KIR3DL2: variants seen among roughly 807,000 people sequenced by gnomAD.
The protein encoded by KIR3DL2 is killer cell immunoglobulin-like receptor 3DL2.
KIR3DL2 carries 42 observed loss-of-function variants against 41.6 expected under a neutral mutation model. The observed-to-expected ratio is 1.01, with a 90% CI of 0.79 to 1.31. KIR3DL2 has a LOEUF of 1.31. Ranked by LOEUF, KIR3DL2 falls within the 50% of genes most tolerant of loss-of-function variation. The probability of loss-of-function intolerance (pLI) is 0.00; values close to 1 mark genes in which losing one functional copy is unlikely to be tolerated. For missense variants in KIR3DL2, 728 were observed against 576.8 expected (o/e 1.26, Z -2.68); for synonymous variants, 230 against 221.3 (o/e 1.04, Z -0.35).
In KIR3DL2 at chr19:54,853,905, C is replaced by T; in HGVS notation, c.514C>T (p.His172Tyr). ...CCCCTCACGCCTCGTTGGACAGATCCATGATGGGGTCTCCAAGGCCAACTT... is the reference window on the plus strand; with the variant it reads ...CCCCTCACGCCTCGTTGGACAGATCTATGATGGGGTCTCCAAGGCCAACTT... The part of the protein sequence containing the change: ...EDPSRLVGQI[H>Y]DGVSKANFSI... Residue 172 changes from histidine (H) to tyrosine (Y), a missense_variant, in exon 4 of 9, where the codon CAT becomes TAT. By Grantham distance (83) the His-to-Tyr change is moderately conservative. Coordinates refer to ENST00000326321, the MANE Select transcript of KIR3DL2 (RefSeq NM_006737.4). 2 of 1,613,348 alleles carry T rather than the reference C, an allele frequency of 1.2e-6. No individual in the cohort carries two copies. The highest frequency in any genetic ancestry group is 1.7e-6 in the Non-Finnish European group (2 of 1,179,822).
chr19:54,850,648 G>A, intron 1 of KIR3DL2, 139 bp downstream of exon 1: 4 of 1,286,396 alleles, frequency 3.1e-6, no homozygotes, highest in Non-Finnish European at 4.3e-6. Flanking sequence ...GCCTGGAGGT[G>A]TAAATATGGG....
chr19:54,858,389 G>A (rs1458949373), intron 5 of KIR3DL2, among the ~76,000 whole-genome samples: 1 of 148,738 alleles, frequency 6.7e-6, no homozygotes, highest in African/African-American at 2.5e-5. Flanking sequence ...ACCATTTATT[G>A]AAGACTGTCC....
At chr19:54,851,915 G>A in intron 2 of KIR3DL2, 83 bp from the exon 3 acceptor site, 1 of 1,547,784 alleles carries the variant, frequency 6.5e-7, no homozygotes, top group Non-Finnish European at 8.8e-7. Context: ...TTAGAAAGCG[G>A]AAATGGGAGA....
Position 54,851,227 on chromosome 19 carries a change from C to A in KIR3DL2, c.42C>A (p.Phe14Leu). The A allele has an allele frequency of 1.9e-6, 3 of 1,610,658 alleles. No homozygotes were observed. The highest frequency in any genetic ancestry group is 2.2e-5 in the East Asian group (1 of 44,640). The part of the protein sequence containing the change: ...TVVSMACVGF[F>L]LLQGAWPLMG... Reference sequence around the variant, plus strand: ...CATGATCTTTCTTTCCAGGGTTCTTCTTGCTGCAGGGGGCCTGGCCACTCA... The same window carrying A: ...CATGATCTTTCTTTCCAGGGTTCTTATTGCTGCAGGGGGCCTGGCCACTCA... Residue 14 changes from phenylalanine (F) to leucine (L), a missense_variant, in exon 2 of 9, where the codon TTC becomes TTA. Physicochemically the swap from Phe to Leu is conservative, Grantham distance 22. Transcript: ENST00000326321.
At chr19:54,851,611 G>T (rs1167025166) in intron 2 of KIR3DL2, among the ~76,000 whole-genome samples, 2 of 151,334 alleles carry the variant, frequency 1.3e-5, no homozygotes, top group Non-Finnish European at 2.9e-5. Context: ...GTGTGGCTGC[G>T]GTCTTTCTAC....
In KIR3DL2 at chr19:54,852,261, C is replaced by A; in HGVS notation, c.334C>A (p.Pro112Thr). ...SLTGWSAPSN[P>T]LVIMVTGNHR... The stretch of plus-strand genomic sequence containing the variant: ...CACTGGGTGGTCGGCACCCAGCAAC[C>A]CCCTGGTGATCATGGTCACAGGTCA... The change falls in exon 3 of 9, where the codon CCC becomes ACC. Residue 112 changes from proline (P) to threonine (T), a missense_variant. Coordinates refer to ENST00000326321, the MANE Select transcript of KIR3DL2 (RefSeq NM_006737.4). 3 of 1,609,128 alleles carry A rather than the reference C, an allele frequency of 1.9e-6. No individual in the cohort carries two copies. Among genetic ancestry groups the A allele is most frequent in the Middle Eastern group, 1.7e-4 (1 of 6,020 alleles).
chr19:54,855,789 T>C lies in KIR3DL2; in HGVS notation c.826T>C (p.Phe276Leu). The change falls in exon 5 of 9, where the codon TTC (phenylalanine) becomes CTC (leucine). Residue 276 changes from phenylalanine (F) to leucine (L), a missense_variant. By Grantham distance (22) the Phe-to-Leu change is conservative (BLOSUM62 0). Coordinates refer to ENST00000326321, the MANE Select transcript of KIR3DL2 (RefSeq NM_006737.4). Reference protein sequence around the residue: ...LRAVPKVNRTFQADFPLGPAT... With the variant: ...LRAVPKVNRTLQADFPLGPAT... ...TGCAGTGCCCAAGGTCAACAGAACA[T>C]TCCAGGCAGACTTTCCTCTGGGCCC... 3 of 1,613,396 alleles carry C rather than the reference T, an allele frequency of 1.9e-6. No individual in the cohort carries two copies. The highest frequency in any genetic ancestry group is 4.5e-5 in the East Asian group (2 of 44,858).
Position 54,850,567 on chromosome 19 carries a change from G to A in KIR3DL2, c.34+58G>A, listed in dbSNP as rs1309764785. On this transcript the variant is annotated intron_variant, in intron 1 of 8. Transcript: ENST00000326321. ...GTGGGGATGGAGATCTCGGCCTAGA[G>A]GTAAAGATATGGGCCTGGAGTGGAG... is the stretch of plus-strand genomic sequence containing the variant. The A allele has an allele frequency of 7.5e-6, 12 of 1,594,118 alleles. No homozygotes were observed. In the African/African-American group the frequency reaches 1.1e-4, roughly 15 times the overall value.
Position 54,854,248 on chromosome 19 carries a change from G to A in KIR3DL2, c.655+202G>A, listed in dbSNP as rs374394112. Reference sequence around the variant, plus strand: ...GGTGTCATAACAGAGGACAGACACAGGGGCCATACGGGGAAGTAGAAAAGA... The same window carrying A: ...GGTGTCATAACAGAGGACAGACACAAGGGCCATACGGGGAAGTAGAAAAGA... On this transcript the variant is annotated intron_variant, in intron 4 of 8. Coordinates refer to ENST00000326321, the MANE Select transcript of KIR3DL2 (RefSeq NM_006737.4). Among the ~76,000 whole-genome samples, 10 of 151,862 alleles carry A rather than the reference G, an allele frequency of 6.6e-5. No homozygotes were observed. In the South Asian group the frequency reaches 2.1e-3, roughly 32 times the overall value.
At position 54,853,893 on chromosome 19, in the gene KIR3DL2, G is replaced by C. The variant is rs765924648; in HGVS notation, c.502G>C (p.Val168Leu). Residue 168 changes from valine to leucine, a missense_variant, in exon 4 of 9, where the codon GTT (valine) becomes CTT (leucine). Coordinates refer to ENST00000326321, the MANE Select transcript of KIR3DL2 (RefSeq NM_006737.4). ...GATCTCTGAGGACCCCTCACGCCTC[G>C]TTGGACAGATCCATGATGGGGTCTC... Reference protein sequence around the residue: ...EGISEDPSRLVGQIHDGVSKA... With the variant: ...EGISEDPSRLLGQIHDGVSKA... The C allele has an allele frequency of 1.5e-5, 25 of 1,613,226 alleles. No individual in the cohort carries two copies. Among genetic ancestry groups the C allele is most frequent in the East Asian group, 1.1e-4 (5 of 44,864 alleles).
chr19:54,854,213 G>A (rs1180454343), intron 4 of KIR3DL2, among the ~76,000 whole-genome samples, 167 bp downstream of exon 4: 1 of 151,694 alleles, frequency 6.6e-6, no homozygotes, highest in South Asian at 2.1e-4. Context: ...GGAGACATAA[G>A]TACAGACCAG....
At chr19:54,850,837 TGTGGAGATATGGGCCTGGA>T (rs1402511458) in intron 1 of KIR3DL2, among the ~76,000 whole-genome samples, 3 of 37,324 alleles carry the variant, frequency 8.0e-5, no homozygotes, top group South Asian at 8.9e-4. Context: ...ATGGGTCTGA[TGTGGAGATATGGGCCTGGA>T]GTGGAGATAT....
chr19:54,856,475 A>G (rs202005019), intron 5 of KIR3DL2, among the ~76,000 whole-genome samples: 1 of 151,272 alleles, frequency 6.6e-6, no homozygotes, highest in Non-Finnish European at 1.5e-5. Flanking sequence ...AAGATCAGGG[A>G]CTCGAGATCA....
chr19:54,852,979 T>C (rs901690718), intron 3 of KIR3DL2, among the ~76,000 whole-genome samples: 3 of 149,292 alleles, frequency 2.0e-5, no homozygotes, highest in African/African-American at 7.4e-5. Flanking sequence ...GGTGTGGTGG[T>C]GGGCACGAGT....
At chr19:54,851,502 G>A (rs2145551659) in intron 2 of KIR3DL2, among the ~76,000 whole-genome samples, 1 of 151,504 alleles carries the variant, frequency 6.6e-6, no homozygotes, top group East Asian at 1.9e-4. Context: ...GGTGTCAGCA[G>A]CAGAGAAAGA....
intron 5 of KIR3DL2, among the ~76,000 whole-genome samples, chr19:54,858,685 A>C (rs2145658398): frequency 6.6e-6 from 1 of 151,410 alleles, no homozygotes; most frequent in African/African-American, 2.4e-5. Flanking sequence ...CTGAGATTGC[A>C]CCTCTACACT....
In KIR3DL2 at chr19:54,852,038, T is replaced by A. The variant is rs1172338386; in HGVS notation, c.111T>A (p.Thr37=). ...DKPFLSARPS[T]VVPRGGHVAL... ...CCTTCCTGTCTGCCCGGCCCAGCAC[T>A]GTGGTGCCTCGAGGAGGACACGTGG... The change falls in exon 3 of 9, where the codon ACT becomes ACA. Residue 37 remains threonine (T), a synonymous_variant. Transcript: ENST00000326321. The A allele has an allele frequency of 4.3e-6, 7 of 1,611,754 alleles. No individual in the cohort carries two copies. In the Admixed American group the frequency reaches 1.2e-4, roughly 27 times the overall value.
At chr19:54,856,701 C>G (rs2064807488) in intron 5 of KIR3DL2, among the ~76,000 whole-genome samples, 1 of 151,704 alleles carries the variant, frequency 6.6e-6, no homozygotes, top group Admixed American at 6.6e-5. Flanking sequence ...ATAAATACAT[C>G]TATATTCTTT....
chr19:54,864,950 A>T lies in KIR3DL2; in HGVS notation c.1001-855A>T, dbSNP rs551437236. ...TGTCTTGTGCCAGTTTTCAAAGGGA[A>T]TGCTTCCAGTTTTTGCCCATTCAGT... On this transcript the variant is annotated intron_variant, in intron 6 of 8. Coordinates refer to ENST00000326321, the MANE Select transcript of KIR3DL2 (RefSeq NM_006737.4). Among the ~76,000 whole-genome samples, 5 of 152,168 alleles carry T rather than the reference A, an allele frequency of 3.3e-5. No individual in the cohort carries two copies. The South Asian group carries it at 1.0e-3, about 32-fold the overall frequency.
Sources: allele counts gnomAD v4.1 joint callset (sites outside exome capture counted in the v4.1 genomes callset), GRCh38; gene constraint gnomAD v4.1.1; transcripts MANE v1.5; gene names NCBI Gene and HGNC (gene_info 2026-07-23, HGNC 2026-07-21).